INPP4B: variants seen among roughly 807,000 people sequenced by gnomAD.
INPP4B encodes inositol polyphosphate-4-phosphatase type II B, also known as inositol polyphosphate 4-phosphatase type II.
INPP4B carries 55 observed loss-of-function variants against 122.5 expected under a neutral mutation model. That is an observed-to-expected ratio of 0.45 (90% confidence interval 0.36 to 0.56). The LOEUF is 0.56. Among genes scored for constraint, INPP4B ranks in the 20% least tolerant of loss-of-function variants. The probability of loss-of-function intolerance (pLI) is 0.00; values close to 1 mark genes in which losing one functional copy is unlikely to be tolerated. For synonymous variants in INPP4B, 403 were observed against 388.7 expected (o/e 1.04, Z -0.43); for missense variants, 1,000 against 1,097.7 (o/e 0.91, Z 1.26).
intron 2 of INPP4B, among the ~76,000 whole-genome samples, chr4:142,637,578 G>A (rs571719270): frequency 2.6e-5 from 4 of 152,202 alleles, no homozygotes; most frequent in South Asian, 2.1e-4. Flanking sequence ...ATATGCCACA[G>A]TTTATTTACC....
chr4:142,376,208 C>A (rs4479787), intron 7 of INPP4B, among the ~76,000 whole-genome samples: 31,395 of 151,802 alleles, frequency 0.21, 4,246 homozygotes, highest in East Asian at 0.44. Context: ...TTTCTAGGAA[C>A]TTTCAATTAG....
At chr4:142,394,166 G>A (rs1047669243) in intron 7 of INPP4B, among the ~76,000 whole-genome samples, 1 of 151,740 alleles carries the variant, frequency 6.6e-6, no homozygotes, top group African/African-American at 2.4e-5. Context: ...TTTGTTTTGA[G>A]ACGGAGTCTC....
chr4:142,118,059 T>A (rs1200675854), intron 21 of INPP4B, among the ~76,000 whole-genome samples: 2 of 152,040 alleles, frequency 1.3e-5, no homozygotes, highest in Non-Finnish European at 2.9e-5. Flanking sequence ...TCAAAGAGAA[T>A]AAAATAACTA....
chr4:142,298,634 A>T (rs1249318253), intron 9 of INPP4B, among the ~76,000 whole-genome samples: 1 of 142,040 alleles, frequency 7.0e-6, no homozygotes, highest in Non-Finnish European at 1.5e-5. Context: ...CACTGAGCAG[A>T]CATTGCACCA....
intron 3 of INPP4B, among the ~76,000 whole-genome samples, chr4:142,434,104 G>C (rs1562091210): frequency 6.6e-6 from 1 of 152,130 alleles, no homozygotes; most frequent in Non-Finnish European, 1.5e-5. Flanking sequence ...ACCGAGACGT[G>C]ATATTTTTTA....
intron 9 of INPP4B, among the ~76,000 whole-genome samples, chr4:142,288,539 G>C (rs556418993): frequency 6.6e-6 from 1 of 152,014 alleles, no homozygotes; most frequent in Admixed American, 6.5e-5. Context: ...AGCTGGGATC[G>C]GCCACTGCAC....
At position 142,023,303 on chromosome 4, in the gene INPP4B, A is replaced by C. The variant is rs2152236709; in HGVS notation, c.*5479T>G. 1 of 152,310 alleles carries C rather than the reference A, an allele frequency of 6.6e-6. No individual in the cohort carries two copies. Among genetic ancestry groups the C allele is most frequent in the Middle Eastern group, 3.4e-3 (1 of 294 alleles). The allele number at this position is 152,310 out of a possible 1,614,324, so 9.4% of individuals were successfully genotyped here. On this transcript the variant is annotated 3_prime_UTR_variant, in exon 26 of 26. Coordinates refer to ENST00000262992, the MANE Select transcript of INPP4B (RefSeq NM_001101669.3). Reference sequence around the variant, plus strand: ...TTTATGCCTAGAAAAAATTTCTAGGAATACACATTATTGATTCATCTAAAA... The same window carrying C: ...TTTATGCCTAGAAAAAATTTCTAGGCATACACATTATTGATTCATCTAAAA...
At chr4:142,246,519 G>A (rs1728924808) in intron 11 of INPP4B, among the ~76,000 whole-genome samples, 1 of 152,072 alleles carries the variant, frequency 6.6e-6, no homozygotes, top group Non-Finnish European at 1.5e-5. Flanking sequence ...CATATCCCCT[G>A]TAAATTGTAT....
At chr4:142,625,471 T>G (rs554518938) in intron 2 of INPP4B, among the ~76,000 whole-genome samples, 35 of 152,090 alleles carry the variant, frequency 2.3e-4, no homozygotes, top group Admixed American at 1.2e-3. Flanking sequence ...CACTGCTCAA[T>G]GAAATAAAAG....
intron 25 of INPP4B, among the ~76,000 whole-genome samples, chr4:142,050,353 A>G (rs1753836352): frequency 6.6e-6 from 1 of 152,020 alleles, no homozygotes; most frequent in Non-Finnish European, 1.5e-5. Flanking sequence ...CATTCTGGTA[A>G]AAGAAGAATT....
At chr4:142,227,456 GAAGA>G (rs1852047021) in intron 12 of INPP4B, among the ~76,000 whole-genome samples, 1 of 152,042 alleles carries the variant, frequency 6.6e-6, no homozygotes, top group South Asian at 2.1e-4. Flanking sequence ...AAAAAGAGAT[GAAGA>G]AAGAACATTA....
intron 9 of INPP4B, among the ~76,000 whole-genome samples, chr4:142,288,440 T>C (rs1052599259): frequency 6.6e-6 from 1 of 152,082 alleles, no homozygotes; most frequent in South Asian, 2.1e-4. Flanking sequence ...AAAAATTAGC[T>C]GAGCGTGGTG....
intron 7 of INPP4B, among the ~76,000 whole-genome samples, chr4:142,383,049 A>T (rs918298835): frequency 3.9e-5 from 6 of 152,038 alleles, no homozygotes; most frequent in Non-Finnish European, 5.9e-5. Context: ...GCCTCTTAGC[A>T]ATGAGTTTTC....
chr4:142,429,138 A>G (rs757320137), intron 5 of INPP4B, 35 bp downstream of exon 5: 2 of 1,267,280 alleles, frequency 1.6e-6, no homozygotes, highest in African/African-American at 3.0e-5. Context: ...ACAAATTCTT[A>G]TATTTATTGA....
intron 1 of INPP4B, among the ~76,000 whole-genome samples, chr4:142,845,387 C>G (rs757982067): frequency 6.6e-6 from 1 of 152,160 alleles, no homozygotes; most frequent in Non-Finnish European, 1.5e-5. Context: ...AGACATTCCC[C>G]GGCCCTGGGC....
chr4:142,089,096 G>A (rs1188957031), intron 23 of INPP4B, among the ~76,000 whole-genome samples: 1 of 152,200 alleles, frequency 6.6e-6, no homozygotes, highest in Non-Finnish European at 1.5e-5. Context: ...GTGCAGTTCA[G>A]AATGTCCTTG....
chr4:142,717,968 A>G (rs1006034638), intron 2 of INPP4B, among the ~76,000 whole-genome samples: 2 of 152,000 alleles, frequency 1.3e-5, no homozygotes, highest in Admixed American at 1.3e-4. Flanking sequence ...AACGAAGAAC[A>G]AGATGTTAGG....
At chr4:142,513,325 T>G (rs1824982973) in intron 2 of INPP4B, among the ~76,000 whole-genome samples, 1 of 151,996 alleles carries the variant, frequency 6.6e-6, no homozygotes, top group East Asian at 1.9e-4. Context: ...AAGTACATAA[T>G]CAAAGTGCCA....
intron 25 of INPP4B, among the ~76,000 whole-genome samples, chr4:142,073,264 T>A (rs183434140): frequency 1.3e-5 from 2 of 152,278 alleles, no homozygotes; most frequent in East Asian, 3.9e-4. Context: ...ATAATGCATT[T>A]TTGCTCATAG....
Sources: gnomAD v4.1 joint callset for allele counts (sites outside exome capture counted in the v4.1 genomes callset) on GRCh38, gnomAD v4.1.1 for gene constraint, MANE v1.5 for transcripts, NCBI Gene and HGNC (gene_info 2026-07-23, HGNC 2026-07-21) for gene names.